The following TADA3 variants were observed in gnomAD, a reference collection of about 807,000 sequenced individuals.
TADA3 encodes the protein transcriptional adaptor 3, also known as transcriptional adapter 3.
A neutral mutation model predicts 43.2 loss-of-function variants in TADA3; 25 were observed. The ratio of observed to expected loss-of-function variants is 0.58; its 90% CI spans 0.42 to 0.81. TADA3 has a LOEUF of 0.81. TADA3 is among the 30% of genes least tolerant of loss of function. TADA3 has a pLI of 0.00. For missense variants in TADA3, 441 were observed against 567.8 expected (o/e 0.78, Z 2.27); for synonymous variants, 235 against 225.5 (o/e 1.04, Z -0.38).
chr3:9,790,159 A>G (rs149377812), intron 2 of TADA3, among the ~76,000 whole-genome samples, 196 bp from the exon 3 acceptor site: 8 of 152,270 alleles, frequency 5.3e-5, no homozygotes, highest in Admixed American at 3.3e-4. Flanking sequence ...AACTTTATTC[A>G]TATACTTCTC....
intron 4 of TADA3, among the ~76,000 whole-genome samples, chr3:9,788,705 A>G (rs1467687098): frequency 6.6e-6 from 1 of 151,286 alleles, no homozygotes; most frequent in Non-Finnish European, 1.5e-5. Context: ...GTGCCAGGCT[A>G]ATTTTTGTAT....
At chr3:9,781,199 G>A (rs1000111939) in intron 8 of TADA3, among the ~76,000 whole-genome samples, 12 of 151,860 alleles carry the variant, frequency 7.9e-5, no homozygotes, top group East Asian at 3.9e-4. Context: ...TAATCCCAGC[G>A]CTTTGGGAGA....
intron 8 of TADA3, chr3:9,781,452 T>C (rs2078461917): frequency 4.5e-6 from 2 of 446,374 alleles, no homozygotes; most frequent in South Asian, 1.6e-5. Context: ...CCACAGTTAG[T>C]GAGGGGGAGA....
At chr3:9,782,005 T>C (rs556605018) in intron 8 of TADA3, among the ~76,000 whole-genome samples, 74 of 152,142 alleles carry the variant, frequency 4.9e-4, no homozygotes, top group African/African-American at 1.7e-3. Context: ...TAGCTGATTT[T>C]TAAAAATTTT....
At position 9,780,188 on chromosome 3, in the gene TADA3, G is replaced by T; in HGVS notation, c.*169C>A. The stretch of plus-strand genomic sequence containing the variant: ...AGCCCAGCAGGGCTTCCTGTGTCCT[G>T]GTTGTACAGAGCTAGGCCAAAAGAC... On this transcript the variant is annotated 3_prime_UTR_variant, in exon 9 of 9. Transcript: ENST00000301964. 1.6e-6 allele frequency: 1 copy of T among 632,482 alleles called. No individual in the cohort carries two copies. Among genetic ancestry groups the T allele is most frequent in the Non-Finnish European group, 2.6e-6 (1 of 378,788 alleles). 39.2% of individuals were successfully genotyped at this position (632,482 alleles called of 1,614,324 possible).
In TADA3 at chr3:9,792,379, G is replaced by T. The variant is rs2078759618; in HGVS notation, c.-191C>A. The stretch of plus-strand genomic sequence containing the variant: ...CTAGGGACACCCTAGTGCGACCCCC[G>T]CCCCCTCTACCTCCTCGCTGCGGCC... On this transcript the variant is annotated 5_prime_UTR_variant, in exon 1 of 9. Coordinates refer to ENST00000301964, the MANE Select transcript of TADA3 (RefSeq NM_006354.5). The T allele has an allele frequency of 1.6e-6, 1 of 608,680 alleles. No individual in the cohort carries two copies. Among genetic ancestry groups the T allele is most frequent in the African/African-American group, 2.0e-5 (1 of 51,138 alleles). 37.7% of individuals were successfully genotyped at this position (608,680 alleles called of 1,614,324 possible).
At chr3:9,784,355 G>A (rs2078554359) in intron 7 of TADA3, 142 bp from the exon 8 acceptor site, 1 of 1,121,418 alleles carries the variant, frequency 8.9e-7, no homozygotes, top group Non-Finnish European at 1.2e-6. Context: ...GATACAAAGG[G>A]AGGGACAGAC....
chr3:9,785,471 T>C (rs983403160), intron 6 of TADA3, 46 bp from the exon 7 acceptor site: 9 of 1,339,892 alleles, frequency 6.7e-6, no homozygotes, highest in African/African-American at 1.4e-5. Flanking sequence ...GCTGTTCCAC[T>C]TTCCTGCTCC....
intron 7 of TADA3, among the ~76,000 whole-genome samples, chr3:9,784,453 G>T (rs916062857): frequency 5.9e-5 from 9 of 151,980 alleles, no homozygotes; most frequent in African/African-American, 2.2e-4. Context: ...AACCCAGAGA[G>T]AATTACTATT....
intron 8 of TADA3, among the ~76,000 whole-genome samples, chr3:9,782,312 G>A (rs1388663506): frequency 6.6e-6 from 1 of 152,202 alleles, no homozygotes; most frequent in African/African-American, 2.4e-5. Context: ...TCAGCTTGCT[G>A]TTTATTGACT....
In TADA3 at chr3:9,791,477, A is replaced by G. The variant is rs1044344543; in HGVS notation, c.-11T>C. 2 of 1,596,480 alleles carry G rather than the reference A, an allele frequency of 1.3e-6. No individual in the cohort carries two copies. The highest frequency in any genetic ancestry group is 8.6e-7 in the Non-Finnish European group (1 of 1,167,504). On this transcript the variant is annotated 5_prime_UTR_variant, in exon 2 of 9. Coordinates refer to ENST00000301964, the MANE Select transcript of TADA3 (RefSeq NM_006354.5). ...TTTCAACTCACTCATGGCCCAGGAT[A>G]TGGGGATCCTGTGGAGCTGGAGAGG...
chr3:9,780,116 C>A lies in TADA3; in HGVS notation c.*241G>T. On this transcript the variant is annotated 3_prime_UTR_variant, in exon 9 of 9. Coordinates refer to ENST00000301964, the MANE Select transcript of TADA3 (RefSeq NM_006354.5). The stretch of plus-strand genomic sequence containing the variant: ...AAGAGGAAGACCCAGAAACGAAGTC[C>A]CCTCCAACCCCATCTCGGGGACCAA... 1 of 407,176 alleles carries A rather than the reference C, an allele frequency of 2.5e-6. No individual in the cohort carries two copies. Among genetic ancestry groups the A allele is most frequent in the Non-Finnish European group, 4.4e-6 (1 of 229,108 alleles). 25.2% of individuals were successfully genotyped at this position (407,176 alleles called of 1,614,324 possible).
rs1245152880 is a variant in TADA3, at chr3:9,787,118, G to C, written c.707-9C>G. ...CAGCAGGGCATCCACATCTAAGCGG[G>C]CACAGGAAAGGAGGGGAGGTGGGCT... On this transcript the variant is annotated splice_polypyrimidine_tract_variant and intron_variant, in intron 5 of 8. Transcript: ENST00000301964. 1 of 1,614,218 alleles carries C rather than the reference G, an allele frequency of 6.2e-7. No individual in the cohort carries two copies. The highest frequency in any genetic ancestry group is 8.5e-7 in the Non-Finnish European group (1 of 1,180,034).
chr3:9,787,356 C>T lies in TADA3; in HGVS notation c.565-16G>A, dbSNP rs953028139. 5 of 1,597,534 alleles carry T rather than the reference C, an allele frequency of 3.1e-6. No homozygotes were observed. Among genetic ancestry groups the T allele is most frequent in the African/African-American group, 1.3e-5 (1 of 74,262 alleles). On this transcript the variant is annotated splice_polypyrimidine_tract_variant and intron_variant, in intron 4 of 8. Transcript: ENST00000301964. The stretch of plus-strand genomic sequence containing the variant: ...GGGGTGGGATCTGTGGAAAAGATGG[C>T]ACCCAACCCTGAGTGGGTAAGCACT...
At chr3:9,792,681 C>T, upstream of TADA3, 1 of 1,233,248 alleles carries the variant, frequency 8.1e-7, no homozygotes, top group Non-Finnish European at 1.0e-6. Flanking sequence ...CTGCAGTTAG[C>T]CCCGCCGAGC....
chr3:9,790,368 C>T (rs1376684675), intron 2 of TADA3, among the ~76,000 whole-genome samples: 1 of 152,194 alleles, frequency 6.6e-6, no homozygotes, highest in East Asian at 1.9e-4. Flanking sequence ...AAGGAGGGTC[C>T]ATGGATTCCC....
At position 9,780,191 on chromosome 3, in the gene TADA3, T is replaced by C. The variant is rs2078426591; in HGVS notation, c.*166A>G. The C allele has an allele frequency of 1.6e-6, 1 of 639,948 alleles. No individual in the cohort carries two copies. Among genetic ancestry groups the C allele is most frequent in the Non-Finnish European group, 2.6e-6 (1 of 385,592 alleles). 39.6% of individuals were successfully genotyped at this position (639,948 alleles called of 1,614,324 possible). A position where few individuals can be genotyped will look rare whatever the true frequency, so the allele number is the denominator to read the frequency against. ...CCAGCAGGGCTTCCTGTGTCCTGGT[T>C]GTACAGAGCTAGGCCAAAAGACCTC... On this transcript the variant is annotated 3_prime_UTR_variant, in exon 9 of 9. Coordinates refer to ENST00000301964, the MANE Select transcript of TADA3 (RefSeq NM_006354.5).
chr3:9,787,761 A>AAG, intron 4 of TADA3: 1 of 1,240,904 alleles, frequency 8.1e-7, no homozygotes, highest in African/African-American at 1.5e-5. Flanking sequence ...AGTGAAGTGA[A>AAG]AGAGAGAGAT....
At chr3:9,780,772 T>C (rs908804091) in intron 8 of TADA3, among the ~76,000 whole-genome samples, 3 of 152,134 alleles carry the variant, frequency 2.0e-5, no homozygotes, top group African/African-American at 7.2e-5. Context: ...TGTGCACATG[T>C]GGGGACAGGG....
Sources: gnomAD v4.1 joint callset for allele counts (sites outside exome capture counted in the v4.1 genomes callset) on GRCh38, gnomAD v4.1.1 for gene constraint, MANE v1.5 for transcripts, NCBI Gene and HGNC (gene_info 2026-07-23, HGNC 2026-07-21) for gene names.